CBLN2: variants seen among roughly 807,000 people sequenced by gnomAD.
CBLN2 encodes the protein cerebellin 2 precursor, also known as cerebellin-2.
CBLN2 carries 7 observed loss-of-function variants against 15.0 expected under a neutral mutation model. The ratio of observed to expected loss-of-function variants is 0.47; its 90% CI spans 0.27 to 0.88. The LOEUF is 0.88. CBLN2 is among the 40% of genes least tolerant of loss of function. The pLI is 0.14. For synonymous variants in CBLN2, 149 were observed against 135.2 expected (o/e 1.10, Z -0.71); for missense variants, 242 against 304.5 (o/e 0.79, Z 1.53).
chr18:72,556,052 C>G (rs1330444072), intron 1 of CBLN2, among the ~76,000 whole-genome samples: 1 of 152,044 alleles, frequency 6.6e-6, no homozygotes, highest in African/African-American at 2.4e-5. Context: ...AGTCTGGGTC[C>G]CAGGCTGAAG....
At position 72,589,282 on chromosome 18, in the gene CBLN2, G is replaced by A. The variant is rs145283643; in HGVS notation, c.15+49043C>T. 2.5e-3 allele frequency among the ~76,000 whole-genome samples: 377 copies of A among 152,262 alleles called. 3 individuals carry two copies. The highest frequency in any genetic ancestry group is 8.6e-3 in the African/African-American group (359 of 41,546). On this transcript the variant is annotated intron_variant, in intron 1 of 2. Transcript: ENST00000581073. Reference sequence around the variant, plus strand: ...TAAGAGAGGCCAGAAGTAGTACCCAGGTTCCTAAGTTGACTGACAGGAGAA... The same window carrying A: ...TAAGAGAGGCCAGAAGTAGTACCCAAGTTCCTAAGTTGACTGACAGGAGAA...
In CBLN2 at chr18:72,559,440, G is replaced by A. The variant is rs76213511; in HGVS notation, c.16-20668C>T. Among the ~76,000 whole-genome samples the A allele has an allele frequency of 8.4e-3, 1,275 of 152,302 alleles. 19 individuals are homozygous for A. The highest frequency in any genetic ancestry group is 0.029 in the African/African-American group (1,197 of 41,560). ...CAGGCTCAGAGCACACATCCAAGTC[G>A]CGCCATTTTGGATTTGACTCTGTTG... On this transcript the variant is annotated intron_variant, in intron 1 of 2. Coordinates refer to the CBLN2 transcript ENST00000581073.
At chr18:72,618,014 T>C (rs571968051) in intron 1 of CBLN2, among the ~76,000 whole-genome samples, 1 of 152,344 alleles carries the variant, frequency 6.6e-6, no homozygotes, top group African/African-American at 2.4e-5. Flanking sequence ...TTGGCTGTTA[T>C]GGTTAAACCG....
At chr18:72,586,798 C>T (rs567848668) in intron 1 of CBLN2, among the ~76,000 whole-genome samples, 94 of 152,218 alleles carry the variant, frequency 6.2e-4, no homozygotes, top group Non-Finnish European at 1.1e-3. Flanking sequence ...AATTCTCCAA[C>T]ACAAAATAAG....
intron 1 of CBLN2, among the ~76,000 whole-genome samples, chr18:72,617,635 T>C (rs901141348): frequency 7.9e-5 from 12 of 152,212 alleles, no homozygotes; most frequent in African/African-American, 2.9e-4. Context: ...GTGAAATTTA[T>C]TTGCAAATGC....
intron 1 of CBLN2, among the ~76,000 whole-genome samples, chr18:72,625,580 C>A (rs1044301031): frequency 6.7e-6 from 1 of 149,444 alleles, no homozygotes; most frequent in African/African-American, 2.5e-5. Context: ...GTTACATGAA[C>A]GAATGAATGT....
intron 1 of CBLN2, among the ~76,000 whole-genome samples, chr18:72,601,530 A>G (rs2144943000): frequency 6.6e-6 from 1 of 152,260 alleles, no homozygotes; most frequent in East Asian, 1.9e-4. Context: ...AAAGGAGTGG[A>G]GGCGCCTGTT....
At chr18:72,580,777 T>C (rs924064336) in intron 1 of CBLN2, among the ~76,000 whole-genome samples, 9 of 152,226 alleles carry the variant, frequency 5.9e-5, no homozygotes, top group Non-Finnish European at 1.0e-4. Flanking sequence ...ATGTCAATTA[T>C]GAATAATGAC....
Position 72,628,580 on chromosome 18 carries a change from G to A in CBLN2, c.15+9745C>T, listed in dbSNP as rs77312404. Among the ~76,000 whole-genome samples, 748 of 152,248 alleles carry A rather than the reference G, an allele frequency of 4.9e-3. 3 individuals carry two copies. The highest frequency in any genetic ancestry group is 7.7e-3 in the Non-Finnish European group (523 of 68,008). On this transcript the variant is annotated intron_variant, in intron 1 of 2. Coordinates refer to the CBLN2 transcript ENST00000581073. ...CAGGTAATGGATTTGGGCTGTTCCC[G>A]CAAGAGAAAGGGGTGAGGCAGTCTC...
upstream of CBLN2, among the ~76,000 whole-genome samples, chr18:72,548,899 A>T (rs985644920): frequency 6.6e-6 from 1 of 152,216 alleles, no homozygotes; most frequent in African/African-American, 2.4e-5. Flanking sequence ...GGGGATCCAA[A>T]CTGTAATGAG....
rs531863092 is a variant in CBLN2, at chr18:72,581,466, G to T, written c.16-42694C>A. Among the ~76,000 whole-genome samples, 10 of 152,102 alleles carry T rather than the reference G, an allele frequency of 6.6e-5. No homozygotes were observed. The South Asian group carries it at 2.1e-3, about 32-fold the overall frequency. On this transcript the variant is annotated intron_variant, in intron 1 of 2. Transcript: ENST00000581073. The stretch of plus-strand genomic sequence containing the variant: ...TTACTGTTTAATTTGTATTTCCTTG[G>T]TTACTGATAAGGTGAAGCACATTTC...
intron 1 of CBLN2, among the ~76,000 whole-genome samples, chr18:72,633,426 G>A (rs999527315): frequency 1.3e-5 from 2 of 152,092 alleles, no homozygotes; most frequent in Non-Finnish European, 2.9e-5. Flanking sequence ...GAAATGCTCC[G>A]TTTTAGTTGA....
rs551703304 is a variant in CBLN2, at chr18:72,635,087, G to A, written c.15+3238C>T. On this transcript the variant is annotated intron_variant, in intron 1 of 2. Transcript: ENST00000581073. ...ATTTTTCTGCACAGAGTTCCCACTC[G>A]GAAAATTGTTAAACACTCAATTGAG... is the stretch of plus-strand genomic sequence containing the variant. 7.2e-5 allele frequency among the ~76,000 whole-genome samples: 11 copies of A among 152,028 alleles called. No homozygotes were observed. The South Asian group carries it at 1.3e-3, about 17-fold the overall frequency.
chr18:72,551,493 C>T (rs564977587), intron 1 of CBLN2, among the ~76,000 whole-genome samples: 2 of 152,002 alleles, frequency 1.3e-5, no homozygotes, highest in Non-Finnish European at 2.9e-5. Flanking sequence ...GACTAAAAAC[C>T]GACAGAATTA....
chr18:72,631,947 T>G (rs998470535), intron 1 of CBLN2, among the ~76,000 whole-genome samples: 1 of 152,120 alleles, frequency 6.6e-6, no homozygotes, highest in Non-Finnish European at 1.5e-5. Flanking sequence ...TGTACTAAAA[T>G]ATGCCTTTTT....
intron 1 of CBLN2, among the ~76,000 whole-genome samples, chr18:72,589,663 A>T (rs2069466528): frequency 6.6e-6 from 1 of 152,252 alleles, no homozygotes; most frequent in African/African-American, 2.4e-5. Context: ...CACATTTAAG[A>T]TACGAGTTGA....
intron 1 of CBLN2, among the ~76,000 whole-genome samples, chr18:72,617,409 T>A (rs1285204626): frequency 6.6e-6 from 1 of 152,134 alleles, no homozygotes; most frequent in Admixed American, 6.5e-5. Flanking sequence ...CAGATCAATA[T>A]TCTGACAAAC....
At chr18:72,586,934 A>G (rs936664867) in intron 1 of CBLN2, among the ~76,000 whole-genome samples, 2 of 152,122 alleles carry the variant, frequency 1.3e-5, no homozygotes, top group East Asian at 3.9e-4. Context: ...TCAAATGTTC[A>G]TACTATAACT....
At chr18:72,562,071 G>T (rs2069264998) in intron 1 of CBLN2, among the ~76,000 whole-genome samples, 1 of 152,156 alleles carries the variant, frequency 6.6e-6, no homozygotes, top group South Asian at 2.1e-4. Context: ...TTATGTGTCT[G>T]CTACTACCCT....
Sources: allele counts gnomAD v4.1 joint callset (sites outside exome capture counted in the v4.1 genomes callset), GRCh38; gene constraint gnomAD v4.1.1; transcripts MANE v1.5; gene names NCBI Gene and HGNC (gene_info 2026-07-23, HGNC 2026-07-21).